The following GRID2 variants were observed in gnomAD, a reference collection of about 807,000 sequenced individuals.
The protein encoded by GRID2 is glutamate receptor ionotropic, delta-2.
In GRID2, 33 loss-of-function variants were observed where a neutral mutation model predicts 114.8. The ratio of observed to expected loss-of-function variants is 0.29; its 90% CI spans 0.22 to 0.38. GRID2 has a LOEUF of 0.38. Among genes scored for constraint, GRID2 ranks in the 10% least tolerant of loss-of-function variants. The probability of loss-of-function intolerance (pLI) is 1.00; values close to 1 mark genes in which losing one functional copy is unlikely to be tolerated. For missense variants in GRID2, 1,184 were observed against 1,257.7 expected, an observed-to-expected ratio of 0.94 and a Z score of 0.89; for synonymous variants, 505 against 449.9, an observed-to-expected ratio of 1.12 and a Z score of -1.55.
At chr4:93,203,487 T>TA in intron 4 of GRID2, among the ~76,000 whole-genome samples, 1 of 152,226 alleles carries the variant, frequency 6.6e-6, no homozygotes, top group South Asian at 2.1e-4. Flanking sequence ...AATGTGTTTG[T>TA]AAAAAAGATT....
chr4:93,589,978 G>C (rs1365834820), intron 13 of GRID2, among the ~76,000 whole-genome samples: 1 of 150,756 alleles, frequency 6.6e-6, no homozygotes, highest in East Asian at 1.9e-4. Flanking sequence ...AGTAGGTTGT[G>C]AAAATTTTCT....
chr4:92,538,358 G>C (rs1725756706), intron 1 of GRID2, among the ~76,000 whole-genome samples: 1 of 152,092 alleles, frequency 6.6e-6, no homozygotes, highest in Non-Finnish European at 1.5e-5. Context: ...ATTCTAAATT[G>C]AGTGTACAGG....
intron 14 of GRID2, among the ~76,000 whole-genome samples, chr4:93,727,008 A>G (rs1438958776): frequency 6.6e-6 from 1 of 152,162 alleles, no homozygotes; most frequent in Non-Finnish European, 1.5e-5. Context: ...CCTGGCCAGA[A>G]CTTCCAACAC....
intron 1 of GRID2, among the ~76,000 whole-genome samples, chr4:92,358,943 C>T (rs1459659621): frequency 2.0e-5 from 3 of 151,874 alleles, no homozygotes; most frequent in Non-Finnish European, 4.4e-5. Context: ...ATTGCAATTT[C>T]ATGTTTTGAA....
intron 11 of GRID2, among the ~76,000 whole-genome samples, chr4:93,486,875 C>A (rs147674235): frequency 6.6e-6 from 1 of 151,744 alleles, no homozygotes; most frequent in African/African-American, 2.4e-5. Flanking sequence ...TTGCTTTTTT[C>A]TAACTTCATG....
chr4:92,368,925 A>G (rs1292704020), intron 1 of GRID2, among the ~76,000 whole-genome samples: 1 of 150,050 alleles, frequency 6.7e-6, no homozygotes, highest in Non-Finnish European at 1.5e-5. Context: ...GCATGTTTCA[A>G]TTGAATGAGC....
chr4:93,684,691 A>G (rs1725913847), intron 14 of GRID2, among the ~76,000 whole-genome samples: 2 of 152,044 alleles, frequency 1.3e-5, no homozygotes, highest in African/African-American at 4.8e-5. Flanking sequence ...TCTTGCCACA[A>G]ACAGGCCAGG....
At chr4:92,691,468 G>T (rs1171180634) in intron 2 of GRID2, among the ~76,000 whole-genome samples, 1 of 152,070 alleles carries the variant, frequency 6.6e-6, no homozygotes, top group African/African-American at 2.4e-5. Flanking sequence ...AAAAGCCATG[G>T]GATGGAATCT....
chr4:93,666,799 A>T (rs1215309982), intron 14 of GRID2, among the ~76,000 whole-genome samples: 1 of 152,118 alleles, frequency 6.6e-6, no homozygotes, highest in Non-Finnish European at 1.5e-5. Context: ...TCATAACAAC[A>T]GTTCCCAGAA....
chr4:93,260,293 AG>A (rs1200072700), intron 8 of GRID2, among the ~76,000 whole-genome samples: 3 of 151,536 alleles, frequency 2.0e-5, no homozygotes, highest in Non-Finnish European at 4.4e-5. Flanking sequence ...TATCTTTATA[AG>A]AAAAAATAAT....
intron 13 of GRID2, among the ~76,000 whole-genome samples, chr4:93,593,847 C>A (rs188389188): frequency 6.6e-6 from 1 of 152,008 alleles, no homozygotes; most frequent in Admixed American, 6.6e-5. Context: ...TTGATCGCAT[C>A]GGCTCCTGAG....
intron 10 of GRID2, among the ~76,000 whole-genome samples, chr4:93,450,722 T>A (rs190539281): frequency 6.6e-6 from 1 of 151,918 alleles, no homozygotes; most frequent in African/African-American, 2.4e-5. Flanking sequence ...AAAATAATTT[T>A]AAAAATGTAT....
At chr4:92,469,406 G>C (rs1022272508) in intron 1 of GRID2, among the ~76,000 whole-genome samples, 2 of 151,944 alleles carry the variant, frequency 1.3e-5, no homozygotes, top group African/African-American at 4.8e-5. Flanking sequence ...TATGTAGAAT[G>C]GTATCACTGT....
chr4:93,293,753 A>G (rs902950601), intron 8 of GRID2, among the ~76,000 whole-genome samples: 7 of 152,148 alleles, frequency 4.6e-5, no homozygotes, highest in African/African-American at 1.4e-4. Flanking sequence ...ATTTGTTCAT[A>G]TTGGCTTATG....
At chr4:93,024,396 T>A (rs1454578668) in intron 2 of GRID2, among the ~76,000 whole-genome samples, 1 of 151,798 alleles carries the variant, frequency 6.6e-6, no homozygotes, top group Non-Finnish European at 1.5e-5. Flanking sequence ...ATAGAATTTA[T>A]TATGAGAACT....
chr4:92,664,556 A>G (rs1732676363), intron 2 of GRID2, among the ~76,000 whole-genome samples: 1 of 151,130 alleles, frequency 6.6e-6, no homozygotes, highest in Admixed American at 6.6e-5. Flanking sequence ...TATGTCTGTT[A>G]GACCTAGTTA....
intron 2 of GRID2, among the ~76,000 whole-genome samples, chr4:92,714,686 G>A (rs1295610698): frequency 1.3e-5 from 2 of 152,186 alleles, no homozygotes; most frequent in Non-Finnish European, 2.9e-5. Context: ...CATGGAGGCT[G>A]CCAAGGCTTG....
At chr4:92,937,007 C>G (rs1171276966) in intron 2 of GRID2, among the ~76,000 whole-genome samples, 1 of 145,914 alleles carries the variant, frequency 6.9e-6, no homozygotes, top group Non-Finnish European at 1.5e-5. Context: ...TCTTCAAGTC[C>G]TTGGTCCACT....
intron 1 of GRID2, among the ~76,000 whole-genome samples, chr4:92,365,122 C>A (rs1373395679): frequency 6.6e-6 from 1 of 152,006 alleles, no homozygotes; most frequent in African/African-American, 2.4e-5. Context: ...TATAATCCAG[C>A]AAATCCATCT....
Sources: gnomAD v4.1 joint callset for allele counts (sites outside exome capture counted in the v4.1 genomes callset) on GRCh38, gnomAD v4.1.1 for gene constraint, MANE v1.5 for transcripts, NCBI Gene and HGNC (gene_info 2026-07-23, HGNC 2026-07-21) for gene names.